The following RBFOX1 variants were observed in gnomAD, a reference collection of about 807,000 sequenced individuals.
The protein encoded by RBFOX1 is RNA binding fox-1 homolog 1, also known as RNA binding protein fox-1 homolog 1.
A neutral mutation model predicts 57.7 loss-of-function variants in RBFOX1; 8 were observed. The ratio of observed to expected loss-of-function variants is 0.14; its 90% CI spans 0.08 to 0.25. The LOEUF is 0.25. RBFOX1 is among the 10% of genes least tolerant of loss of function. The probability of loss-of-function intolerance (pLI) is 1.00; values close to 1 mark genes in which losing one functional copy is unlikely to be tolerated. For synonymous variants in RBFOX1, 326 were observed against 222.4 expected, an observed-to-expected ratio of 1.47 and a Z score of -4.15; for missense variants, 611 against 548.5, an observed-to-expected ratio of 1.11 and a Z score of -1.14.
At chr16:7,576,464 A>G (rs1351474355) in intron 5 of RBFOX1, among the ~76,000 whole-genome samples, 3 of 152,116 alleles carry the variant, frequency 2.0e-5, no homozygotes, top group Non-Finnish European at 4.4e-5. Flanking sequence ...CCATACACCC[A>G]CAATGACCTG....
chr16:5,701,210 C>A (rs1013732282), intron 3 of RBFOX1, among the ~76,000 whole-genome samples: 2 of 152,188 alleles, frequency 1.3e-5, no homozygotes, highest in Admixed American at 6.5e-5. Flanking sequence ...GCCTCCCCTG[C>A]CAGACTATGC....
At chr16:6,871,407 A>T (rs112389694) in intron 3 of RBFOX1, among the ~76,000 whole-genome samples, 4,724 of 152,150 alleles carry the variant, frequency 0.031, 232 homozygotes, top group East Asian at 0.21. Context: ...GCTGGTCTCA[A>T]ACTCCTGAGG....
intron 2 of RBFOX1, among the ~76,000 whole-genome samples, chr16:5,515,607 A>G (rs2043763072): frequency 6.6e-6 from 1 of 152,226 alleles, no homozygotes; most frequent in Non-Finnish European, 1.5e-5. Flanking sequence ...GAAAATCCTT[A>G]TGCCTGATCA....
intron 1 of RBFOX1, among the ~76,000 whole-genome samples, chr16:5,361,397 T>G (rs1475748995): frequency 6.6e-6 from 1 of 152,174 alleles, no homozygotes; most frequent in Non-Finnish European, 1.5e-5. Flanking sequence ...ACCGGAGATA[T>G]CACTAGAAGG....
At chr16:5,974,337 G>A (rs904872236) in intron 4 of RBFOX1, among the ~76,000 whole-genome samples, 14 of 152,136 alleles carry the variant, frequency 9.2e-5, no homozygotes, top group Admixed American at 3.9e-4. Flanking sequence ...GGCCAGGCAC[G>A]GTGGCTCACA....
At chr16:6,848,908 A>G (rs1220923223) in intron 3 of RBFOX1, among the ~76,000 whole-genome samples, 1 of 152,164 alleles carries the variant, frequency 6.6e-6, no homozygotes, top group Non-Finnish European at 1.5e-5. Context: ...ATAGTGTTGC[A>G]AAGAAAAAGA....
At position 7,081,467 on chromosome 16, in the gene RBFOX1, C is replaced by G. The variant is rs377023418; in HGVS notation, c.27+29369C>G. ...ATGGGGGAATCAAAGGGAAGCTGTT[C>G]TTGGCTTTAGAGAAATTCACCTCCC... On this transcript the variant is annotated intron_variant, in intron 4 of 15. Coordinates refer to ENST00000550418, the MANE Select transcript of RBFOX1 (RefSeq NM_018723.4). Among the ~76,000 whole-genome samples the G allele has an allele frequency of 2.6e-5, 4 of 152,270 alleles. No individual in the cohort carries two copies. In the South Asian group the frequency reaches 8.3e-4, roughly 32 times the overall value.
intron 3 of RBFOX1, among the ~76,000 whole-genome samples, chr16:6,703,068 T>G (rs143575821): frequency 3.3e-5 from 5 of 152,198 alleles, no homozygotes; most frequent in Non-Finnish European, 7.4e-5. Context: ...AGGTTTATGT[T>G]GTAGTGTGTT....
intron 3 of RBFOX1, among the ~76,000 whole-genome samples, chr16:5,714,944 T>C (rs1046161365): frequency 6.6e-6 from 1 of 152,214 alleles, no homozygotes; most frequent in Non-Finnish European, 1.5e-5. Context: ...ATCTGTTGGA[T>C]GAATGAGTAA....
At chr16:7,294,154 G>A (rs577840869) in intron 4 of RBFOX1, among the ~76,000 whole-genome samples, 1 of 152,072 alleles carries the variant, frequency 6.6e-6, no homozygotes, top group Non-Finnish European at 1.5e-5. Flanking sequence ...GGGGTGGAGG[G>A]TTCCCAAAGT....
chr16:6,096,802 A>G (rs963309493), intron 1 of RBFOX1, among the ~76,000 whole-genome samples: 9 of 152,242 alleles, frequency 5.9e-5, no homozygotes, highest in South Asian at 2.1e-4. Flanking sequence ...TGTCAAATAC[A>G]TGAACCCAAC....
chr16:5,339,470 G>GGTTTTTT lies in RBFOX1; in HGVS notation c.219+99365_219+99366insGTTTTTT, dbSNP rs1567354925. 7.7e-3 allele frequency among the ~76,000 whole-genome samples: 314 copies of GGTTTTTT among 40,914 alleles called. 8 individuals are homozygous for GGTTTTTT. Among genetic ancestry groups the GGTTTTTT allele is most frequent in the Admixed American group, 0.027 (59 of 2,150 alleles). 26.8% of individuals were successfully genotyped at this position (40,914 alleles called of 152,430 possible). A position where few individuals can be genotyped will look rare whatever the true frequency, so the allele number is the denominator to read the frequency against. ...AAAAGCTAGAAGCTGCTTTTTCCGTGTTTTTTTTTTTTTTTTTTTTTTTTT... is the reference window on the plus strand; with the variant it reads ...AAAAGCTAGAAGCTGCTTTTTCCGTGGTTTTTTTTTTTTTTTTTTTTTTTTTTTTTTT... On this transcript the variant is annotated intron_variant, in intron 1 of 2. Transcript: ENST00000585867.
At chr16:7,538,548 T>C (rs2082094565) in intron 5 of RBFOX1, among the ~76,000 whole-genome samples, 1 of 152,184 alleles carries the variant, frequency 6.6e-6, no homozygotes, top group South Asian at 2.1e-4. Context: ...AGATAAAAAA[T>C]AGCTATGGTT....
intron 2 of RBFOX1, among the ~76,000 whole-genome samples, chr16:5,475,621 C>T (rs1478560901): frequency 6.6e-6 from 1 of 152,300 alleles, no homozygotes; most frequent in South Asian, 2.1e-4. Context: ...AGGTGCTGTG[C>T]TTAAGCACCA....
At chr16:7,299,122 TATC>T (rs918493275) in intron 4 of RBFOX1, among the ~76,000 whole-genome samples, 7 of 152,244 alleles carry the variant, frequency 4.6e-5, no homozygotes, top group Non-Finnish European at 8.8e-5. Context: ...AAAATATTAA[TATC>T]ATCTCCAGGA....
intron 2 of RBFOX1, among the ~76,000 whole-genome samples, chr16:6,362,598 G>A (rs1269053020): frequency 6.6e-6 from 1 of 152,164 alleles, no homozygotes; most frequent in Non-Finnish European, 1.5e-5. Flanking sequence ...AATTAGATTA[G>A]GTTAAGGTAG....
At chr16:7,417,487 A>G (rs897470126) in intron 4 of RBFOX1, among the ~76,000 whole-genome samples, 3 of 151,238 alleles carry the variant, frequency 2.0e-5, no homozygotes, top group Admixed American at 6.6e-5. Flanking sequence ...CCTTGATCCA[A>G]TGCATCCGCC....
chr16:7,270,726 A>G (rs1385254409), intron 4 of RBFOX1, among the ~76,000 whole-genome samples: 1 of 152,190 alleles, frequency 6.6e-6, no homozygotes, highest in Admixed American at 6.5e-5. Flanking sequence ...TCTTTCAGTA[A>G]TTGACTGCAT....
chr16:5,616,381 G>T (rs753315844), intron 3 of RBFOX1, among the ~76,000 whole-genome samples: 1 of 152,200 alleles, frequency 6.6e-6, no homozygotes, highest in Non-Finnish European at 1.5e-5. Flanking sequence ...TGCGGTGCTG[G>T]CCAGCGAGGT....
Sources: allele counts gnomAD v4.1 joint callset (sites outside exome capture counted in the v4.1 genomes callset), GRCh38; gene constraint gnomAD v4.1.1; transcripts MANE v1.5; gene names NCBI Gene and HGNC (gene_info 2026-07-23, HGNC 2026-07-21).